GSE1: variants seen among roughly 807,000 people sequenced by gnomAD.
The protein encoded by GSE1 is Gse1 coiled-coil protein.
In GSE1, 32 loss-of-function variants were observed where a neutral mutation model predicts 112.6. That is an observed-to-expected ratio of 0.28 (90% confidence interval 0.21 to 0.38). The LOEUF (loss-of-function observed/expected upper bound fraction) is 0.38. GSE1 is among the 10% of genes least tolerant of loss of function. The probability of loss-of-function intolerance (pLI) is 1.00; values close to 1 mark genes in which losing one functional copy is unlikely to be tolerated. For missense variants in GSE1, 2,348 were observed against 1,699.2 expected (o/e 1.38, Z -6.71); for synonymous variants, 1,115 against 735.6 (o/e 1.52, Z -8.35).
intron 2 of GSE1, among the ~76,000 whole-genome samples, chr16:85,500,998 G>GTTTTTTTTTTGTTTTTTTT (rs2051342155): frequency 1.5e-5 from 1 of 64,826 alleles, no homozygotes; most frequent in African/African-American, 6.6e-5. Context: ...GGCCTGTTCT[G>GTTTTTTTTTTGTTTTTTTT]TTTTTTTTTT....
At chr16:85,531,886 C>T (rs2044149378) in intron 2 of GSE1, among the ~76,000 whole-genome samples, 1 of 152,120 alleles carries the variant, frequency 6.6e-6, no homozygotes, top group Non-Finnish European at 1.5e-5. Context: ...ACTATTTTGG[C>T]TGATTGAGGC....
intron 1 of GSE1, among the ~76,000 whole-genome samples, chr16:85,331,016 T>C (rs1451561894): frequency 6.6e-6 from 1 of 152,148 alleles, no homozygotes; most frequent in Non-Finnish European, 1.5e-5. Flanking sequence ...AGAGAGGTCA[T>C]ACCCTGCTAT....
rs905349740 is a variant in GSE1 at position 85,602,515 on chromosome 16, C to T, written c.38-46037C>T. Among the ~76,000 whole-genome samples the T allele has an allele frequency of 2.5e-4, 38 of 152,196 alleles. 1 individual carries two copies. Among genetic ancestry groups the T allele is most frequent in the South Asian group, 1.7e-3 (8 of 4,816 alleles). On this transcript the variant is annotated intron_variant, in intron 1 of 2. Transcript: ENST00000635906. ...TGTGAGCGAGCTCCCCTGACCTTGC[C>T]GGATCCCTGCCCGACCCACATCTGT...
chr16:85,649,170 G>T (rs562302306), intron 3 of GSE1, among the ~76,000 whole-genome samples: 1 of 152,182 alleles, frequency 6.6e-6, no homozygotes, highest in East Asian at 1.9e-4. Flanking sequence ...CAGTCAGCTG[G>T]TTTAGCGCCC....
intron 1 of GSE1, among the ~76,000 whole-genome samples, chr16:85,319,575 G>A (rs1404078150): frequency 6.6e-6 from 1 of 152,210 alleles, no homozygotes; most frequent in Non-Finnish European, 1.5e-5. Flanking sequence ...CAAGGTTCTG[G>A]GCAGACATTA....
chr16:85,608,349 C>G (rs993843140), upstream of GSE1, among the ~76,000 whole-genome samples: 1 of 152,110 alleles, frequency 6.6e-6, no homozygotes. Context: ...TGCCCCTGCA[C>G]CGGGGCTGGT....
At chr16:85,304,094 G>C (rs1396690026) in intron 1 of GSE1, among the ~76,000 whole-genome samples, 1 of 152,232 alleles carries the variant, frequency 6.6e-6, no homozygotes, top group African/African-American at 2.4e-5. Context: ...TCCCTGGTGT[G>C]TCTCTCCATG....
chr16:85,637,572 G>T (rs1279160339), intron 2 of GSE1, among the ~76,000 whole-genome samples: 2 of 151,742 alleles, frequency 1.3e-5, no homozygotes, highest in Non-Finnish European at 2.9e-5. Context: ...TCGAGCGCCT[G>T]CTGTGCCCCT....
At position 85,654,865 on chromosome 16, in the gene GSE1, C is replaced by A. The variant is rs757164747; in HGVS notation, c.671C>A (p.Pro224His). The stretch of plus-strand genomic sequence containing the variant: ...GAGGACTACCTGAGAAGCTTCCGGC[C>A]CTACCACACCACCGACGACCTCCGC... ...VTEDYLRSFR[P>H]YHTTDDLRMS... Residue 224 changes from proline to histidine, a missense_variant, in exon 5 of 16, where the codon CCC becomes CAC. Physicochemically the swap from Pro to His is moderately conservative, Grantham distance 77. Coordinates refer to ENST00000253458, the MANE Select transcript of GSE1 (RefSeq NM_014615.5). 2 of 1,611,840 alleles carry A rather than the reference C, an allele frequency of 1.2e-6. No individual in the cohort carries two copies. The highest frequency in any genetic ancestry group is 1.1e-5 in the South Asian group (1 of 91,040).
chr16:85,274,458 C>T (rs1017008025), intron 1 of GSE1, among the ~76,000 whole-genome samples: 3 of 149,340 alleles, frequency 2.0e-5, no homozygotes, highest in Non-Finnish European at 3.0e-5. Flanking sequence ...ATCGAGCACT[C>T]GGCCAGATGG....
intron 1 of GSE1, among the ~76,000 whole-genome samples, chr16:85,596,807 G>A (rs894806501): frequency 2.0e-5 from 3 of 152,002 alleles, no homozygotes; most frequent in Non-Finnish European, 2.9e-5. Context: ...AGGCCAAGGC[G>A]GGCAGATCGC....
intron 2 of GSE1, among the ~76,000 whole-genome samples, chr16:85,482,976 T>TC (rs2050726492): frequency 1.9e-5 from 1 of 53,036 alleles, no homozygotes; most frequent in African/African-American, 2.0e-4. Flanking sequence ...AGACTCCGTC[T>TC]CAAAAAAAAA....
intron 2 of GSE1, among the ~76,000 whole-genome samples, chr16:85,459,100 C>T (rs1317397206): frequency 6.6e-6 from 1 of 152,238 alleles, no homozygotes; most frequent in African/African-American, 2.4e-5. Context: ...TCATCATCCT[C>T]TGCTTACACA....
intron 1 of GSE1, among the ~76,000 whole-genome samples, chr16:85,254,888 A>G (rs920514656): frequency 6.6e-6 from 1 of 152,212 alleles, no homozygotes; most frequent in African/African-American, 2.4e-5. Flanking sequence ...CCCAGGTCCC[A>G]GTGCTGGAGG....
intron 1 of GSE1, among the ~76,000 whole-genome samples, chr16:85,262,561 G>A (rs1035413550): frequency 2.0e-5 from 3 of 152,190 alleles, no homozygotes; most frequent in African/African-American, 7.2e-5. Flanking sequence ...TTCCATTTTG[G>A]CCATGCCATT....
chr16:85,280,042 A>G (rs1283172842), intron 1 of GSE1, among the ~76,000 whole-genome samples: 2 of 152,186 alleles, frequency 1.3e-5, no homozygotes, highest in Non-Finnish European at 2.9e-5. Flanking sequence ...CCTTTCACCC[A>G]AAGGTTGCTG....
chr16:85,274,898 C>T (rs1909203526), intron 1 of GSE1, among the ~76,000 whole-genome samples: 1 of 152,258 alleles, frequency 6.6e-6, no homozygotes, highest in Non-Finnish European at 1.5e-5. Flanking sequence ...GCCTGGCCCT[C>T]ACTGCCCCTG....
At chr16:85,206,532 C>T (rs1386552463) in intron 1 of GSE1, among the ~76,000 whole-genome samples, 1 of 152,122 alleles carries the variant, frequency 6.6e-6, no homozygotes, top group African/African-American at 2.4e-5. Context: ...CAGGAACCCC[C>T]AGGTTTTCCC....
intron 2 of GSE1, among the ~76,000 whole-genome samples, chr16:85,635,660 T>TGG (rs1320302540): frequency 6.6e-6 from 1 of 152,108 alleles, no homozygotes; most frequent in Admixed American, 6.5e-5. Context: ...TCTCAGCGTT[T>TGG]GGGGGCAGGA....
Sources: gnomAD v4.1 joint callset for allele counts (sites outside exome capture counted in the v4.1 genomes callset) on GRCh38, gnomAD v4.1.1 for gene constraint, MANE v1.5 for transcripts, NCBI Gene and HGNC (gene_info 2026-07-23, HGNC 2026-07-21) for gene names.